The following MEOX1 variants were observed in gnomAD, a reference collection of about 807,000 sequenced individuals.
MEOX1 encodes mesenchyme homeobox 1.
MEOX1 carries 17 observed loss-of-function variants against 23.2 expected under a neutral mutation model. The ratio of observed to expected loss-of-function variants is 0.73; its 90% CI spans 0.50 to 1.10. The LOEUF (loss-of-function observed/expected upper bound fraction) is 1.10, where lower values mean the gene tolerates loss of function less well. MEOX1 is among the 50% of genes least tolerant of loss of function. The probability of loss-of-function intolerance (pLI) is 0.00; values close to 1 mark genes in which losing one functional copy is unlikely to be tolerated. For synonymous variants in MEOX1, 134 were observed against 135.1 expected, an observed-to-expected ratio of 0.99 and a Z score of 0.06; for missense variants, 333 against 332.2, an observed-to-expected ratio of 1.00 and a Z score of -0.02.
At chr17:43,647,301 G>A (rs187761312) in intron 1 of MEOX1, among the ~76,000 whole-genome samples, 313 of 152,172 alleles carry the variant, frequency 2.1e-3, no homozygotes, top group African/African-American at 5.4e-3. Context: ...CCCCTACCGC[G>A]CCCCCAACCA....
intron 2 of MEOX1, 83 bp from the exon 3 acceptor site, chr17:43,642,115 G>A: frequency 6.9e-7 from 1 of 1,448,492 alleles, no homozygotes; most frequent in Non-Finnish European, 9.4e-7. Flanking sequence ...TAGCCAGGGT[G>A]TAACTCCAGG....
intron 1 of MEOX1, among the ~76,000 whole-genome samples, chr17:43,645,042 G>A (rs1972776194): frequency 1.3e-5 from 2 of 152,174 alleles, no homozygotes; most frequent in Non-Finnish European, 1.5e-5. Flanking sequence ...TGGAGGTGGT[G>A]GGTGGAGAGG....
At chr17:43,647,337 GAA>G (rs1193379064) in intron 1 of MEOX1, among the ~76,000 whole-genome samples, 1 of 152,192 alleles carries the variant, frequency 6.6e-6, no homozygotes, top group Non-Finnish European at 1.5e-5. Flanking sequence ...CTCCTAGAGA[GAA>G]GAGGAAAAAG....
chr17:43,656,676 G>A (rs889998054), intron 1 of MEOX1, among the ~76,000 whole-genome samples: 6 of 152,160 alleles, frequency 3.9e-5, no homozygotes, highest in African/African-American at 1.2e-4. Context: ...TAGCACCATG[G>A]CTTTCCCAGG....
intron 1 of MEOX1, among the ~76,000 whole-genome samples, chr17:43,646,092 C>A (rs909059809): frequency 1.3e-5 from 2 of 152,170 alleles, no homozygotes; most frequent in Non-Finnish European, 2.9e-5. Context: ...CGCGTCCGAT[C>A]CGGGTTGGCC....
At chr17:43,655,051 CAAAAAA>C (rs1001282450) in intron 1 of MEOX1, among the ~76,000 whole-genome samples, 3 of 150,616 alleles carry the variant, frequency 2.0e-5, no homozygotes, top group African/African-American at 4.9e-5. Context: ...GACTCCGTCT[CAAAAAA>C]GAAAAAGAAA....
In MEOX1 at chr17:43,643,517, CA is replaced by C; in HGVS notation, c.612del (p.Ile204MetfsTer3). The C allele has an allele frequency of 6.2e-7, 1 of 1,603,338 alleles. No homozygotes were observed. Among genetic ancestry groups the C allele is most frequent in the Non-Finnish European group, 8.5e-7 (1 of 1,175,270 alleles). The part of the protein sequence containing the change: ...NYLTRLRRYE[I>X]AVNLDLSERQ... ...CGCTCAGAGAGGTCCAGGTTTACCG[CA>C]ATCTCATATCTGCGGAGCCGAGTCA... On this transcript the variant is annotated frameshift_variant, in exon 2 of 3. Coordinates refer to ENST00000318579, the MANE Select transcript of MEOX1 (RefSeq NM_004527.4). LOFTEE classifies it high-confidence loss of function.
chr17:43,653,061 T>G (rs548183801), intron 1 of MEOX1, among the ~76,000 whole-genome samples: 1 of 151,920 alleles, frequency 6.6e-6, no homozygotes, highest in East Asian at 1.9e-4. Context: ...CTCGATCTTC[T>G]GACATCGTGA....
rs1973139686 is a variant in MEOX1 at position 43,661,389 on chromosome 17, G to C, written c.146C>G (p.Pro49Arg). Residue 49 changes from proline (P) to arginine (R), a missense_variant, in exon 1 of 3, where the codon CCA (proline) becomes CGA (arginine). By Grantham distance (103) the Pro-to-Arg change is moderately radical. Transcript: ENST00000318579. Reference sequence around the variant, plus strand: ...TGCCGTCGCTGTCGCCAGGAAGTCTGGTTTCTGGTGGAAGGAGAACGGGGT... The same window carrying C: ...TGCCGTCGCTGTCGCCAGGAAGTCTCGTTTCTGGTGGAAGGAGAACGGGGT... ...PPTPFSFHQK[P>R]DFLATATAAY... 1.2e-6 allele frequency: 2 copies of C among 1,613,646 alleles called. No homozygotes were observed. The highest frequency in any genetic ancestry group is 8.5e-7 in the Non-Finnish European group (1 of 1,179,746).
intron 1 of MEOX1, among the ~76,000 whole-genome samples, chr17:43,652,422 A>C (rs1972934625): frequency 6.6e-6 from 1 of 152,186 alleles, no homozygotes; most frequent in Non-Finnish European, 1.5e-5. Flanking sequence ...GGAGGACTTT[A>C]AAGAGAGAGG....
intron 1 of MEOX1, among the ~76,000 whole-genome samples, chr17:43,645,473 G>C (rs994221716): frequency 6.6e-6 from 1 of 152,154 alleles, no homozygotes; most frequent in Non-Finnish European, 1.5e-5. Flanking sequence ...CACTGCGCCC[G>C]GTCCATTTTC....
chr17:43,653,817 C>T (rs1448021958), intron 1 of MEOX1, among the ~76,000 whole-genome samples: 1 of 152,168 alleles, frequency 6.6e-6, no homozygotes, highest in African/African-American at 2.4e-5. Context: ...CAACTGCCTC[C>T]ACTTTTTATG....
In MEOX1 at chr17:43,656,371, G is replaced by C. The variant is rs183878109; in HGVS notation, c.469+4695C>G. Among the ~76,000 whole-genome samples, 558 of 152,190 alleles carry C rather than the reference G, an allele frequency of 3.7e-3. 1 individual carries two copies. Among genetic ancestry groups the C allele is most frequent in the African/African-American group, 0.013 (534 of 41,500 alleles). On this transcript the variant is annotated intron_variant, in intron 1 of 2. Coordinates refer to ENST00000318579, the MANE Select transcript of MEOX1 (RefSeq NM_004527.4). ...GGATGTGTTTGCAAGGTCAGTCCCTGGGTGTGGCTTCGTGGCAGGGGTAGT... is the reference window on the plus strand; with the variant it reads ...GGATGTGTTTGCAAGGTCAGTCCCTCGGTGTGGCTTCGTGGCAGGGGTAGT...
At chr17:43,657,071 T>C (rs189342255) in intron 1 of MEOX1, among the ~76,000 whole-genome samples, 5,442 of 92,368 alleles carry the variant, frequency 0.059, 148 homozygotes, top group African/African-American at 0.11. Context: ...TCCTTCCTTC[T>C]TTCTTTCTTT....
chr17:43,644,916 GA>G (rs1017184537), intron 1 of MEOX1, among the ~76,000 whole-genome samples: 6 of 151,146 alleles, frequency 4.0e-5, no homozygotes, highest in East Asian at 1.9e-4. Context: ...ACTACGTCTT[GA>G]AAAAAAAATT....
chr17:43,645,886 G>T (rs1192586978), intron 1 of MEOX1, among the ~76,000 whole-genome samples: 1 of 152,262 alleles, frequency 6.6e-6, no homozygotes, highest in Non-Finnish European at 1.5e-5. Flanking sequence ...GCCTTGGGCT[G>T]GGCGACTCTC....
intron 1 of MEOX1, among the ~76,000 whole-genome samples, chr17:43,660,395 G>T (rs12451702): frequency 5.3e-5 from 8 of 152,082 alleles, no homozygotes; most frequent in Non-Finnish European, 1.0e-4. Flanking sequence ...CTTCCTGGGG[G>T]GTCAGCCAGA....
intron 1 of MEOX1, among the ~76,000 whole-genome samples, chr17:43,654,636 C>T (rs1195926296): frequency 6.6e-6 from 1 of 152,192 alleles, no homozygotes; most frequent in Non-Finnish European, 1.5e-5. Flanking sequence ...ATCTGGCCAA[C>T]ATAGCGAGAC....
At position 43,661,660 on chromosome 17, in the gene MEOX1, A is replaced by C; in HGVS notation, c.-126T>G. ...GGGAAAAATGTTCAACAGAAAATTT[A>C]CCCCAGGAACCAAAAAAAAAAAAAA... On this transcript the variant is annotated 5_prime_UTR_variant, in exon 1 of 3. Transcript: ENST00000318579. 2 of 526,350 alleles carry C rather than the reference A, an allele frequency of 3.8e-6. No individual in the cohort carries two copies. The highest frequency in any genetic ancestry group is 5.9e-5 in the South Asian group (1 of 16,944). 32.6% of individuals were successfully genotyped at this position (526,350 alleles called of 1,614,324 possible). A position where few individuals can be genotyped will look rare whatever the true frequency, so the allele number is the denominator to read the frequency against.
Sources: allele counts gnomAD v4.1 joint callset (sites outside exome capture counted in the v4.1 genomes callset), GRCh38; gene constraint gnomAD v4.1.1; transcripts MANE v1.5; gene names NCBI Gene and HGNC (gene_info 2026-07-23, HGNC 2026-07-21).